CAMK4: variants seen among roughly 807,000 people sequenced by gnomAD.
CAMK4 encodes the protein calcium/calmodulin-dependent protein kinase type IV.
In CAMK4, 22 loss-of-function variants were observed where a neutral mutation model predicts 44.9. The ratio of observed to expected loss-of-function variants is 0.49; its 90% CI spans 0.35 to 0.70. CAMK4 has a LOEUF of 0.70. CAMK4 is among the 30% of genes least tolerant of loss of function. The pLI, the probability that CAMK4 is intolerant of heterozygous loss-of-function variation, is 0.01. For missense variants in CAMK4, 498 were observed against 586.8 expected (o/e 0.85, Z 1.56); for synonymous variants, 218 against 215.4 (o/e 1.01, Z -0.11).
chr5:111,266,376 C>T (rs1367929641), intron 1 of CAMK4, among the ~76,000 whole-genome samples: 2 of 152,126 alleles, frequency 1.3e-5, no homozygotes, highest in Non-Finnish European at 2.9e-5. Flanking sequence ...ATATAAGCTA[C>T]ACTTTGGGGA....
At chr5:111,302,535 ACCGG>A (rs1190902786) in intron 1 of CAMK4, 1 of 126,826 alleles carries the variant, frequency 7.9e-6, no homozygotes, top group Non-Finnish European at 1.6e-5. Context: ...CGCTTTTCAG[ACCGG>A]CTTAAGAAAC....
Position 111,482,497 on chromosome 5 carries a change from C to T in CAMK4, c.829-288C>T, listed in dbSNP as rs564709751. ...TGCTGGTTCTGCCTTCAAAGAACTT[C>T]CAGTCCACAGGCAAGTGAGGAGCTG... On this transcript the variant is annotated intron_variant, in intron 9 of 10. Transcript: ENST00000282356. The surrounding 1 kb of genome is among the most constrained non-coding windows in gnomAD (Gnocchi z 4.9). 8.1e-4 allele frequency: 195 copies of T among 241,420 alleles called. 1 individual carries two copies. The highest frequency in any genetic ancestry group is 4.2e-3 in the African/African-American group (189 of 44,888). 15.0% of individuals were successfully genotyped at this position (241,420 alleles called of 1,614,324 possible).
chr5:111,315,596 C>A (rs1748386674), intron 1 of CAMK4, among the ~76,000 whole-genome samples: 1 of 152,100 alleles, frequency 6.6e-6, no homozygotes, highest in African/African-American at 2.4e-5. Flanking sequence ...TTATGATCTT[C>A]ATTTTTTTTG....
chr5:111,331,232 A>G (rs1217583119), intron 1 of CAMK4, among the ~76,000 whole-genome samples: 2 of 150,234 alleles, frequency 1.3e-5, no homozygotes, highest in Non-Finnish European at 3.0e-5. Flanking sequence ...GGAATTTTAA[A>G]AAAACATAAA....
intron 1 of CAMK4, among the ~76,000 whole-genome samples, chr5:111,267,254 G>A (rs953827864): frequency 2.0e-5 from 3 of 152,146 alleles, no homozygotes; most frequent in Middle Eastern, 3.2e-3. Flanking sequence ...TTTCAAGATC[G>A]TAATTTGGGC....
intron 5 of CAMK4, among the ~76,000 whole-genome samples, chr5:111,424,937 G>A (rs1311743063): frequency 6.6e-6 from 1 of 152,028 alleles, no homozygotes; most frequent in Non-Finnish European, 1.5e-5. Context: ...GCAGAGGTGG[G>A]CAGATCACCT....
At chr5:111,316,981 C>T (rs1054499268) in intron 1 of CAMK4, among the ~76,000 whole-genome samples, 3 of 152,038 alleles carry the variant, frequency 2.0e-5, no homozygotes, top group Non-Finnish European at 2.9e-5. Context: ...CATAGGAATT[C>T]GTCTTGAAAT....
At chr5:111,315,849 T>C (rs1252592352) in intron 1 of CAMK4, among the ~76,000 whole-genome samples, 1 of 152,116 alleles carries the variant, frequency 6.6e-6, no homozygotes, top group African/African-American at 2.4e-5. Flanking sequence ...ACCTGAGATA[T>C]TGCGAAGGGC....
intron 1 of CAMK4, chr5:111,302,192 T>G (rs6887670): frequency 6.6e-6 from 1 of 152,092 alleles, no homozygotes; most frequent in South Asian, 2.1e-4. Context: ...CTGCCTAAAA[T>G]TCTCGGGGTC....
chr5:111,229,513 A>G (rs1748359815), intron 1 of CAMK4, among the ~76,000 whole-genome samples: 1 of 152,220 alleles, frequency 6.6e-6, no homozygotes, highest in Non-Finnish European at 1.5e-5. Flanking sequence ...AGGGGACACA[A>G]TTCAGTCCAC....
At position 111,467,934 on chromosome 5, in the gene CAMK4, T is replaced by TCTCACACACA. The variant is rs139078264; in HGVS notation, c.626-5376_626-5375insTCACACACAC. 3.5e-5 allele frequency among the ~76,000 whole-genome samples: 5 copies of TCTCACACACA among 143,460 alleles called. No individual in the cohort carries two copies. In the South Asian group the frequency reaches 7.0e-4, roughly 20 times the overall value. 94.1% of individuals were successfully genotyped at this position (143,460 alleles called of 152,430 possible). On this transcript the variant is annotated intron_variant, in intron 7 of 10. Transcript: ENST00000282356. Reference sequence around the variant, plus strand: ...AATCAGTGAGTTCGTAAAGAAATTGTCACACACACACACACACACACACAC... The same window carrying TCTCACACACA: ...AATCAGTGAGTTCGTAAAGAAATTGTCTCACACACACACACACACACACACACACACACAC...
At chr5:111,381,865 T>G (rs1246763856) in intron 4 of CAMK4, among the ~76,000 whole-genome samples, 2 of 152,342 alleles carry the variant, frequency 1.3e-5, no homozygotes, top group Admixed American at 1.3e-4. Context: ...TTTCCTGATT[T>G]AAAAAGTCAG....
intron 8 of CAMK4, among the ~76,000 whole-genome samples, chr5:111,476,926 C>T (rs1325444222): frequency 6.6e-6 from 1 of 152,150 alleles, no homozygotes; most frequent in East Asian, 1.9e-4. Flanking sequence ...CATTTGAGCA[C>T]TATAACTCTT....
chr5:111,490,651 T>C lies in CAMK4; in HGVS notation c.*6185T>C, dbSNP rs1194414187. ...TTGAAAACTATCATCTCATACTGCCTCCTTTTAACCTGACCTATTTTATAT... is the reference window on the plus strand; with the variant it reads ...TTGAAAACTATCATCTCATACTGCCCCCTTTTAACCTGACCTATTTTATAT... On this transcript the variant is annotated 3_prime_UTR_variant, in exon 11 of 11. Coordinates refer to ENST00000282356, the MANE Select transcript of CAMK4 (RefSeq NM_001744.6). 1 of 152,156 alleles carries C rather than the reference T, an allele frequency of 6.6e-6. No individual in the cohort carries two copies. The highest frequency in any genetic ancestry group is 2.4e-5 in the African/African-American group (1 of 41,430). The allele number at this position is 152,156 out of a possible 1,614,324, so 9.4% of individuals were successfully genotyped here.
chr5:111,479,852 C>T (rs912916191), intron 9 of CAMK4, among the ~76,000 whole-genome samples: 1 of 152,106 alleles, frequency 6.6e-6, no homozygotes, highest in Non-Finnish European at 1.5e-5. Context: ...CTCCTAAACA[C>T]CTCTTGAATC....
intron 7 of CAMK4, among the ~76,000 whole-genome samples, chr5:111,455,264 G>T (rs1361549257): frequency 1.3e-5 from 2 of 151,996 alleles, no homozygotes; most frequent in Non-Finnish European, 2.9e-5. Context: ...AAATAATATT[G>T]TAGAATAATA....
At chr5:111,303,325 G>A (rs1405137565) in intron 1 of CAMK4, among the ~76,000 whole-genome samples, 4,596 of 126,538 alleles carry the variant, frequency 0.036, 134 homozygotes, top group Middle Eastern at 0.092. Flanking sequence ...CAAACCAAAG[G>A]CAAAGAAGTT....
chr5:111,262,421 G>A (rs149445168), intron 1 of CAMK4, among the ~76,000 whole-genome samples: 74 of 152,264 alleles, frequency 4.9e-4, no homozygotes, highest in African/African-American at 1.7e-3. Context: ...TGTCAAAAGG[G>A]ATGGCTCCCA....
At chr5:111,458,039 C>T (rs1259832319) in intron 7 of CAMK4, among the ~76,000 whole-genome samples, 1 of 152,178 alleles carries the variant, frequency 6.6e-6, no homozygotes, top group African/African-American at 2.4e-5. Context: ...GGAAAACGAC[C>T]ATCAGGGAAG....
Sources: allele counts gnomAD v4.1 joint callset (sites outside exome capture counted in the v4.1 genomes callset), GRCh38; gene constraint gnomAD v4.1.1; non-coding constraint Gnocchi (gnomAD v3.1); transcripts MANE v1.5; gene names NCBI Gene and HGNC (gene_info 2026-07-23, HGNC 2026-07-21).